Variants in NPY2R observed in about 807,000 individuals in gnomAD.
NPY2R encodes the protein neuropeptide Y receptor Y2, also known as neuropeptide Y receptor type 2.
A neutral mutation model predicts 22.3 loss-of-function variants in NPY2R; 17 were observed. The observed-to-expected ratio is 0.76, with a 90% confidence interval of 0.52 to 1.14. The LOEUF (loss-of-function observed/expected upper bound fraction) is 1.14, where lower values mean the gene tolerates loss of function less well. NPY2R is among the 50% of genes most tolerant of loss of function. The probability of loss-of-function intolerance (pLI) is 0.00; values close to 1 mark genes in which losing one functional copy is unlikely to be tolerated. For missense variants in NPY2R, 424 were observed against 467.9 expected (o/e 0.91, Z 0.87); for synonymous variants, 209 against 183.4 (o/e 1.14, Z -1.13).
At chr4:155,180,465 A>AT in the NPY2R span, among the ~76,000 whole-genome samples, 101 of 152,216 alleles carry the variant, frequency 6.6e-4, no homozygotes, top group African/African-American at 2.4e-3. Flanking sequence ...AGTGGAATAG[A>AT]TTTTTTTACA....
chr4:155,188,704 T>G, the NPY2R span, among the ~76,000 whole-genome samples: 4 of 152,112 alleles, frequency 2.6e-5, no homozygotes, highest in Non-Finnish European at 4.4e-5. Flanking sequence ...AGCAAGGAGA[T>G]GAAGCTCTCA....
upstream of NPY2R, among the ~76,000 whole-genome samples, chr4:155,204,155 C>A (rs1202027292): frequency 6.7e-6 from 1 of 150,202 alleles, no homozygotes; most frequent in Non-Finnish European, 1.5e-5. Flanking sequence ...ATATGGCTTA[C>A]AAGTTACTCA....
intron 1 of NPY2R, 31 bp from the exon 2 acceptor site, chr4:155,213,861 T>C: frequency 8.5e-7 from 1 of 1,170,066 alleles, no homozygotes; most frequent in South Asian, 1.2e-5. Context: ...TTGTTGTTGT[T>C]GTTTTGTTTT....
chr4:155,174,914 C>T, the NPY2R span, among the ~76,000 whole-genome samples: 2 of 151,998 alleles, frequency 1.3e-5, no homozygotes, highest in Non-Finnish European at 2.9e-5. Flanking sequence ...TCTTTTACTA[C>T]AAGGATGTAA....
the NPY2R span, among the ~76,000 whole-genome samples, chr4:155,194,367 G>A: frequency 6.7e-6 from 1 of 150,284 alleles, no homozygotes; most frequent in Non-Finnish European, 1.5e-5. Context: ...CATAGTCCCC[G>A]ACAGGTAGTT....
chr4:155,215,055 T>C lies in NPY2R; in HGVS notation c.1116T>C (p.Asn372=). 1 of 1,613,502 alleles carries C rather than the reference T, an allele frequency of 6.2e-7. No homozygotes were observed. The highest frequency in any genetic ancestry group is 8.5e-7 in the Non-Finnish European group (1 of 1,180,034). The change falls in exon 2 of 2, where the codon AAT becomes AAC. Residue 372 remains asparagine, a synonymous_variant. Transcript: ENST00000329476. ...NLEVRKNSGP[N]DSFTEATNV ...AGGTCAGAAAGAACAGTGGCCCCAA[T>C]GACTCTTTCACAGAGGCTACCAATG...
the NPY2R span, among the ~76,000 whole-genome samples, chr4:155,200,903 C>G: frequency 1.3e-5 from 2 of 151,812 alleles, no homozygotes; most frequent in African/African-American, 4.8e-5. Flanking sequence ...TGCTAATGCA[C>G]GTGGGGCTTA....
At chr4:155,208,044 G>A (rs1323160398), upstream of NPY2R, 1 of 152,212 alleles carries the variant, frequency 6.6e-6, no homozygotes, top group East Asian at 1.9e-4. This position sits in a 1 kb window ranked among gnomAD's most constrained non-coding sequence, Gnocchi z 5.6. Context: ...TGGAGCACAG[G>A]GACCGCCCAG....
In NPY2R at chr4:155,214,264, A is replaced by G; in HGVS notation, c.325A>G (p.Thr109Ala). The change falls in exon 2 of 2, where the codon ACC (threonine) becomes GCC (alanine). Residue 109 changes from threonine (T) to alanine (A), a missense_variant. By Grantham distance (58) the Thr-to-Ala change is moderately conservative. Coordinates refer to ENST00000329476, the MANE Select transcript of NPY2R (RefSeq NM_000910.4). ...VNTLCLPFTLTYTLMGEWKMG... is the reference protein window; with the variant it reads ...VNTLCLPFTLAYTLMGEWKMG... ...CACTCTGTGTCTACCGTTCACTCTT[A>G]CCTATACCTTAATGGGGGAGTGGAA... The G allele has an allele frequency of 6.2e-7, 1 of 1,613,896 alleles. No individual in the cohort carries two copies. Among genetic ancestry groups the G allele is most frequent in the Non-Finnish European group, 8.5e-7 (1 of 1,179,920 alleles).
chr4:155,174,480 A>ATT, the NPY2R span, among the ~76,000 whole-genome samples: 259 of 88,708 alleles, frequency 2.9e-3, 1 homozygote, highest in East Asian at 0.022. Flanking sequence ...ATATATATAT[A>ATT]TATATTTTTT....
chr4:155,176,877 GA>G, the NPY2R span, among the ~76,000 whole-genome samples: 14 of 152,282 alleles, frequency 9.2e-5, no homozygotes, highest in East Asian at 2.7e-3. Flanking sequence ...TCACATGGCA[GA>G]AGGGACAAAG....
At chr4:155,202,702 A>G in the NPY2R span, among the ~76,000 whole-genome samples, 1 of 152,158 alleles carries the variant, frequency 6.6e-6, no homozygotes, top group Admixed American at 6.5e-5. Context: ...CTCAGGAGAT[A>G]TCAATAGTAA....
the NPY2R span, among the ~76,000 whole-genome samples, chr4:155,196,868 T>A: frequency 6.6e-6 from 1 of 151,920 alleles, no homozygotes; most frequent in South Asian, 2.1e-4. Flanking sequence ...ATCTAGGCTA[T>A]AGAGTTTGAG....
Position 155,214,003 on chromosome 4 carries a change from T to C in NPY2R, c.64T>C (p.Tyr22His), listed in dbSNP as rs142187929. ...QTVEEMKVEQ[Y>H]GPQTTPRGEL... ...AGTGGAAGAAATGAAGGTGGAACAA[T>C]ACGGGCCACAAACAACTCCTAGAGG... The change falls in exon 2 of 2, where the codon TAC becomes CAC. Residue 22 changes from tyrosine (Y) to histidine (H), a missense_variant. By Grantham distance (83) the Tyr-to-His change is moderately conservative. Coordinates refer to ENST00000329476, the MANE Select transcript of NPY2R (RefSeq NM_000910.4). The C allele has an allele frequency of 1.2e-4, 200 of 1,614,036 alleles. 1 individual carries two copies. The East Asian group carries it at 3.8e-3, about 31-fold the overall frequency.
chr4:155,209,292 G>A (rs1403917634), intron 1 of NPY2R, among the ~76,000 whole-genome samples: 1 of 151,990 alleles, frequency 6.6e-6, no homozygotes, highest in Non-Finnish European at 1.5e-5. Flanking sequence ...CTATTTCCTT[G>A]ACCCTTCTTT....
chr4:155,175,716 GA>G, the NPY2R span, among the ~76,000 whole-genome samples: 1 of 152,076 alleles, frequency 6.6e-6, no homozygotes, highest in Non-Finnish European at 1.5e-5. Flanking sequence ...ACATGTCTGA[GA>G]AAGTGATGTG....
upstream of NPY2R, chr4:155,206,490 A>C (rs1366049674): frequency 6.6e-6 from 1 of 152,248 alleles, no homozygotes; most frequent in South Asian, 2.1e-4. Flanking sequence ...CCTTGATAAT[A>C]TGATACACTA....
the NPY2R span, among the ~76,000 whole-genome samples, chr4:155,201,223 C>T: frequency 1.3e-5 from 2 of 151,968 alleles, no homozygotes; most frequent in Non-Finnish European, 2.9e-5. Flanking sequence ...TTGTTTCCCC[C>T]AAAGGATCAG....
chr4:155,199,937 T>C, the NPY2R span, among the ~76,000 whole-genome samples: 108,627 of 152,052 alleles, frequency 0.71, 40,381 homozygotes, highest in East Asian at 0.94. Flanking sequence ...ATACCGTTAA[T>C]GACATAGGCA....
Sources: gnomAD v4.1 joint callset for allele counts (sites outside exome capture counted in the v4.1 genomes callset) on GRCh38, gnomAD v4.1.1 for gene constraint, Gnocchi (gnomAD v3.1) non-coding constraint, MANE v1.5 for transcripts, NCBI Gene and HGNC (gene_info 2026-07-23, HGNC 2026-07-21) for gene names.